Variants in PLEKHG4B observed in about 807,000 individuals in gnomAD.
The protein encoded by PLEKHG4B is pleckstrin homology domain-containing family G member 4B.
In PLEKHG4B, 111 loss-of-function variants were observed where a neutral mutation model predicts 121.3. That is an observed-to-expected ratio of 0.92 (90% CI 0.78 to 1.07). The LOEUF (loss-of-function observed/expected upper bound fraction) is 1.07, where lower values mean the gene tolerates loss of function less well. PLEKHG4B is among the 50% of genes least tolerant of loss of function. PLEKHG4B has a pLI of 0.00. For synonymous variants in PLEKHG4B, 738 were observed against 725.0 expected, an observed-to-expected ratio of 1.02 and a Z score of -0.29; for missense variants, 1,831 against 1,757.8, an observed-to-expected ratio of 1.04 and a Z score of -0.74.
At position 163,282 on chromosome 5, in the gene PLEKHG4B, C is replaced by T. The variant is rs758778320; in HGVS notation, c.3210C>T (p.Arg1070=). The T allele has an allele frequency of 6.2e-7, 1 of 1,613,272 alleles. No homozygotes were observed. Among genetic ancestry groups the T allele is most frequent in the South Asian group, 1.1e-5 (1 of 91,082 alleles). The change falls in exon 13 of 20, where the codon CGC becomes CGT. Residue 1070 remains arginine, a synonymous_variant. Coordinates refer to ENST00000637938, the MANE Select transcript of PLEKHG4B (RefSeq NM_052909.5). ...AGCCCACCCAGACCCTGGCCAGCCG[C>T]CCCAGGAAACATCCCCAGAAGAAAA... ...SSEPTQTLAS[R]PRKHPQKKMI...
chr5:125,932 T>G (rs1421313659), intron 2 of PLEKHG4B, among the ~76,000 whole-genome samples: 1 of 152,224 alleles, frequency 6.6e-6, no homozygotes, highest in Non-Finnish European at 1.5e-5. Flanking sequence ...TCCCACTGCC[T>G]TCTGGACTTG....
intron 2 of PLEKHG4B, among the ~76,000 whole-genome samples, chr5:134,058 AATATATATATATGATAGAATATATATAT>A (rs1238093984): frequency 7.2e-4 from 90 of 124,968 alleles, no homozygotes; most frequent in African/African-American, 2.0e-3. Flanking sequence ...TATATGATAG[AATATATATATATGATAGAATATATATAT>A]ATATATATAT....
At chr5:96,735 G>T (rs746298621) in intron 1 of PLEKHG4B, among the ~76,000 whole-genome samples, 3 of 152,098 alleles carry the variant, frequency 2.0e-5, no homozygotes, top group African/African-American at 7.2e-5. Flanking sequence ...ATGCCTCCAA[G>T]ACAAAGATAC....
intron 1 of PLEKHG4B, among the ~76,000 whole-genome samples, chr5:110,561 C>T (rs1264066441): frequency 2.0e-5 from 3 of 150,540 alleles, no homozygotes; most frequent in Non-Finnish European, 4.4e-5. Flanking sequence ...CACACCCACG[C>T]AATCTGCAAC....
intron 1 of PLEKHG4B, among the ~76,000 whole-genome samples, chr5:105,232 C>G (rs567809993): frequency 9.8e-5 from 15 of 152,366 alleles, no homozygotes; most frequent in African/African-American, 3.6e-4. Flanking sequence ...CTCCATGAGG[C>G]TGATTCCCGT....
intron 1 of PLEKHG4B, among the ~76,000 whole-genome samples, chr5:111,653 C>T (rs1174127879): frequency 6.6e-6 from 1 of 152,030 alleles, no homozygotes; most frequent in Non-Finnish European, 1.5e-5. Context: ...ACGTCTCTCC[C>T]GGGGATGGCC....
At chr5:151,059 T>C (rs1169517213) in intron 6 of PLEKHG4B, among the ~76,000 whole-genome samples, 3 of 152,140 alleles carry the variant, frequency 2.0e-5, no homozygotes, top group Non-Finnish European at 4.4e-5. Context: ...CAATGCACAA[T>C]GCTAAGTGAG....
intron 1 of PLEKHG4B, among the ~76,000 whole-genome samples, chr5:109,397 CAAAAAAAAAAAAAAA>C (rs34972342): frequency 8.1e-5 from 5 of 61,838 alleles, no homozygotes; most frequent in Non-Finnish European, 1.5e-4. Context: ...ACTCTGTCTC[CAAAAAAAAAAAAAAA>C]AAAAAAAAAT....
At chr5:142,542 G>A (rs1463591226) in intron 3 of PLEKHG4B, among the ~76,000 whole-genome samples, 1 of 146,548 alleles carries the variant, frequency 6.8e-6, no homozygotes, top group Non-Finnish European at 1.5e-5. Context: ...ACACTCCAGA[G>A]TTCCAAATAC....
At chr5:164,217 C>G (rs1579311998) in intron 13 of PLEKHG4B, among the ~76,000 whole-genome samples, 1 of 152,384 alleles carries the variant, frequency 6.6e-6, no homozygotes, top group East Asian at 1.9e-4. Flanking sequence ...GACAATTTTT[C>G]CACAGACCGC....
Position 165,593 on chromosome 5 carries a change from G to A in PLEKHG4B, c.3476+2045G>A, listed in dbSNP as rs67051358. ...TCACAGTAATCCTCTGACGGGGCGG[G>A]GCTCACACTAATGCTCTGACGGGGC... On this transcript the variant is annotated intron_variant, in intron 13 of 19. Coordinates refer to ENST00000637938, the MANE Select transcript of PLEKHG4B (RefSeq NM_052909.5). 1.6e-3 allele frequency among the ~76,000 whole-genome samples: 30 copies of A among 18,850 alleles called. 1 individual carries two copies. Among genetic ancestry groups the A allele is most frequent in the Admixed American group, 1.7e-3 (4 of 2,410 alleles). The allele number at this position is 18,850 out of a possible 152,430, so 12.4% of individuals were successfully genotyped here.
At chr5:154,043 G>A (rs1415196388) in intron 7 of PLEKHG4B, among the ~76,000 whole-genome samples, 1 of 150,378 alleles carries the variant, frequency 6.6e-6, no homozygotes, top group African/African-American at 2.5e-5. Flanking sequence ...CTCGTTCTAT[G>A]TCGCCAGGCT....
In PLEKHG4B at chr5:140,488, G is replaced by A. The variant is rs372952064; in HGVS notation, c.1249G>A (p.Glu417Lys). ...DPQQTPSLEK[E>K]RHTPSRTGPG... The stretch of plus-strand genomic sequence containing the variant: ...CCAACAGACCCCAAGTCTAGAGAAG[G>A]AGAGGCACACACCCAGCCGGACAGG... Residue 417 changes from glutamate (E) to lysine (K), a missense_variant, in exon 3 of 20, where the codon GAG becomes AAG. Glu to Lys is a moderately conservative substitution (Grantham distance 56). Coordinates refer to ENST00000637938, the MANE Select transcript of PLEKHG4B (RefSeq NM_052909.5). The A allele has an allele frequency of 6.6e-5, 105 of 1,595,702 alleles. No homozygotes were observed. In the African/African-American group the frequency reaches 1.2e-3, roughly 18 times the overall value.
chr5:172,141 C>T (rs1560952239), intron 16 of PLEKHG4B, among the ~76,000 whole-genome samples: 1 of 152,202 alleles, frequency 6.6e-6, no homozygotes, highest in African/African-American at 2.4e-5. Flanking sequence ...CCATCTCGGG[C>T]CCCCAACACC....
intron 18 of PLEKHG4B, among the ~76,000 whole-genome samples, chr5:177,075 T>G (rs1376309705): frequency 1.3e-5 from 2 of 152,064 alleles, no homozygotes; most frequent in Admixed American, 6.6e-5. Context: ...AAACAGAATT[T>G]TGGTTTAATT....
intron 1 of PLEKHG4B, among the ~76,000 whole-genome samples, chr5:106,110 AG>A (rs1197700001): frequency 7.9e-5 from 12 of 152,238 alleles, no homozygotes; most frequent in Non-Finnish European, 1.3e-4. Context: ...TTCAGCATAA[AG>A]AACCCAGCTC....
intron 1 of PLEKHG4B, among the ~76,000 whole-genome samples, chr5:102,150 A>G (rs1733838925): frequency 6.6e-6 from 1 of 151,912 alleles, no homozygotes; most frequent in Non-Finnish European, 1.5e-5. Flanking sequence ...AAAAGCCTGT[A>G]GGGGAGAGAC....
chr5:162,982 T>C lies in PLEKHG4B; in HGVS notation c.2910T>C (p.Leu970=). The C allele has an allele frequency of 1.3e-6, 2 of 1,567,680 alleles. No homozygotes were observed. The highest frequency in any genetic ancestry group is 1.7e-6 in the Non-Finnish European group (2 of 1,156,346). ...CCCCAGACCCCAGCTTACCGCCCCT[T>C]GCCCAGAGCCCCCCAAAGCATGAGC... is the stretch of plus-strand genomic sequence containing the variant. ...EAAPDPSLPP[L]AQSPPKHERA... Residue 970 remains leucine (L), a synonymous_variant, in exon 13 of 20, where the codon CTT becomes CTC. Coordinates refer to ENST00000637938, the MANE Select transcript of PLEKHG4B (RefSeq NM_052909.5).
rs923291673 is a variant in PLEKHG4B, at chr5:171,386, G to T, written c.3992G>T (p.Cys1331Phe). ...CTCCGAGCCGCCGAGGTCGTGGTCT[G>T]CTTCCAGCTGCGTCACGGCAATGAC... ...GELRAAEVVV[C>F]FQLRHGNDLL... is the part of the protein sequence containing the mutation. The change falls in exon 16 of 20, where the codon TGC becomes TTC. Residue 1331 changes from cysteine to phenylalanine, a missense_variant. Cys to Phe is a radical substitution (Grantham distance 205). Coordinates refer to ENST00000637938, the MANE Select transcript of PLEKHG4B (RefSeq NM_052909.5). 3.1e-6 allele frequency: 5 copies of T among 1,609,818 alleles called. No homozygotes were observed. Among genetic ancestry groups the T allele is most frequent in the Non-Finnish European group, 4.2e-6 (5 of 1,179,580 alleles).
Sources: allele counts gnomAD v4.1 joint callset (sites outside exome capture counted in the v4.1 genomes callset), GRCh38; gene constraint gnomAD v4.1.1; transcripts MANE v1.5; gene names NCBI Gene and HGNC (gene_info 2026-07-23, HGNC 2026-07-21).